CNTN5: variants seen among roughly 807,000 people sequenced by gnomAD.
CNTN5 encodes the protein contactin 5.
Under a neutral mutation model 129.1 loss-of-function variants are expected in CNTN5, and 77 were observed. The observed-to-expected ratio is 0.60, with a 90% CI of 0.50 to 0.72. The LOEUF (loss-of-function observed/expected upper bound fraction) is 0.72. CNTN5 is among the 30% of genes least tolerant of loss of function. CNTN5 has a pLI of 0.00. For synonymous variants in CNTN5, 509 were observed against 465.6 expected (o/e 1.09, Z -1.20); for missense variants, 1,478 against 1,328.8 (o/e 1.11, Z -1.75).
intron 18 of CNTN5, among the ~76,000 whole-genome samples, chr11:100,276,755 A>G (rs1018359100): frequency 5.9e-5 from 9 of 152,074 alleles, no homozygotes; most frequent in African/African-American, 2.2e-4. Flanking sequence ...CTTAGTAATC[A>G]TATCAGGATA....
At chr11:99,953,400 C>T (rs957964487) in intron 7 of CNTN5, among the ~76,000 whole-genome samples, 1 of 152,154 alleles carries the variant, frequency 6.6e-6, no homozygotes, top group Non-Finnish European at 1.5e-5. Context: ...GACAGCTAAC[C>T]TGGAAATGTT....
intron 3 of CNTN5, among the ~76,000 whole-genome samples, chr11:99,800,843 C>A (rs1236783974): frequency 6.6e-6 from 1 of 152,062 alleles, no homozygotes; most frequent in Non-Finnish European, 1.5e-5. Context: ...TTGAAGACAG[C>A]TGGCAGATGG....
intron 3 of CNTN5, among the ~76,000 whole-genome samples, chr11:99,793,484 T>C (rs545759920): frequency 6.6e-6 from 1 of 152,244 alleles, no homozygotes; most frequent in East Asian, 1.9e-4. Context: ...GATTTGGGGG[T>C]GATTTGCTGT....
chr11:99,622,251 C>T (rs556673343), intron 3 of CNTN5, among the ~76,000 whole-genome samples: 24 of 152,152 alleles, frequency 1.6e-4, no homozygotes, highest in African/African-American at 5.1e-4. Context: ...TATATTCCAA[C>T]GATTTAAAAT....
intron 2 of CNTN5, among the ~76,000 whole-genome samples, chr11:99,518,823 G>C (rs1006367439): frequency 2.6e-5 from 4 of 151,714 alleles, no homozygotes; most frequent in African/African-American, 9.7e-5. Flanking sequence ...CTTTTACATT[G>C]TCTACCTCCA....
chr11:99,501,962 A>T (rs1483154574), intron 2 of CNTN5, among the ~76,000 whole-genome samples: 1 of 152,182 alleles, frequency 6.6e-6, no homozygotes, highest in East Asian at 1.9e-4. Flanking sequence ...CAGGTCATCA[A>T]CCAGGGATTT....
chr11:99,846,918 C>T (rs575379448), intron 6 of CNTN5, among the ~76,000 whole-genome samples: 1 of 152,052 alleles, frequency 6.6e-6, no homozygotes, highest in East Asian at 1.9e-4. Flanking sequence ...TAAATAGATT[C>T]TTTTTTATTT....
chr11:99,506,850 C>A (rs1160302110), intron 2 of CNTN5, among the ~76,000 whole-genome samples: 3 of 151,784 alleles, frequency 2.0e-5, no homozygotes, highest in Non-Finnish European at 2.9e-5. Context: ...CCAAAATGCC[C>A]AAAATGAAGT....
chr11:99,153,019 C>T (rs1860146041), intron 1 of CNTN5, among the ~76,000 whole-genome samples: 1 of 152,144 alleles, frequency 6.6e-6, no homozygotes, highest in Admixed American at 6.5e-5. Context: ...CTGCTGTTAG[C>T]CTGGTGGGGT....
At chr11:100,350,552 G>A (rs1168148438) in intron 23 of CNTN5, 150 bp from the exon 24 acceptor site, 10 of 526,186 alleles carry the variant, frequency 1.9e-5, no homozygotes, top group Non-Finnish European at 3.3e-5. Context: ...TACTTCTACT[G>A]CAGTAGACTG....
chr11:99,968,351 G>T (rs12577524), intron 8 of CNTN5, among the ~76,000 whole-genome samples: 1 of 151,980 alleles, frequency 6.6e-6, no homozygotes, highest in Non-Finnish European at 1.5e-5. Context: ...TGGTGGTGGG[G>T]AGTCTATGAT....
At chr11:99,694,021 T>G (rs1465639920) in intron 3 of CNTN5, among the ~76,000 whole-genome samples, 4 of 151,948 alleles carry the variant, frequency 2.6e-5, no homozygotes, top group African/African-American at 9.7e-5. Context: ...ATAGAAGGAA[T>G]TGCATAAACA....
intron 4 of CNTN5, among the ~76,000 whole-genome samples, chr11:99,827,824 C>T (rs921363641): frequency 5.9e-5 from 9 of 152,186 alleles, no homozygotes; most frequent in South Asian, 4.1e-4. Context: ...ATGTTTGTGA[C>T]GCAAATTTTT....
chr11:99,577,817 T>C (rs980614860), intron 3 of CNTN5, among the ~76,000 whole-genome samples: 5 of 72,562 alleles, frequency 6.9e-5, no homozygotes, highest in South Asian at 7.5e-4. Flanking sequence ...TTCTCAAAGA[T>C]TTTCTTTTAT....
chr11:100,281,962 T>C (rs984447166), intron 18 of CNTN5, among the ~76,000 whole-genome samples: 2 of 151,946 alleles, frequency 1.3e-5, no homozygotes, highest in Non-Finnish European at 2.9e-5. Context: ...GTTAAATTTG[T>C]CTGATAGAAT....
chr11:99,836,756 C>T (rs1211045878), intron 4 of CNTN5, among the ~76,000 whole-genome samples: 1 of 152,152 alleles, frequency 6.6e-6, no homozygotes, highest in South Asian at 2.1e-4. Flanking sequence ...TACAGTCTCA[C>T]CAACAGTGTA....
chr11:99,780,334 T>C (rs1252622318), intron 3 of CNTN5, among the ~76,000 whole-genome samples: 1 of 152,116 alleles, frequency 6.6e-6, no homozygotes, highest in African/African-American at 2.4e-5. Context: ...ATATGGCTAA[T>C]ACAAGATTAT....
intron 1 of CNTN5, among the ~76,000 whole-genome samples, chr11:99,321,337 A>G (rs1865562312): frequency 6.7e-6 from 1 of 149,276 alleles, no homozygotes; most frequent in Admixed American, 6.7e-5. Flanking sequence ...ATATACATAT[A>G]TTTATATACA....
Position 100,025,302 on chromosome 11 carries a change from G to A in CNTN5, c.980+23166G>A, listed in dbSNP as rs532319805. ...TGCAGGTACACAGAAGTGAAGAATT[G>A]AGGTTTGGGAATCTCTGCCTAGATT... On this transcript the variant is annotated intron_variant, in intron 9 of 24. Transcript: ENST00000524871. 1.2e-4 allele frequency among the ~76,000 whole-genome samples: 19 copies of A among 152,336 alleles called. 1 individual carries two copies. In the South Asian group the frequency reaches 2.5e-3, roughly 20 times the overall value.
Sources: allele counts gnomAD v4.1 joint callset (sites outside exome capture counted in the v4.1 genomes callset), GRCh38; gene constraint gnomAD v4.1.1; transcripts MANE v1.5; gene names NCBI Gene and HGNC (gene_info 2026-07-23, HGNC 2026-07-21).